The following MEGF11 variants were observed in gnomAD, a reference collection of about 807,000 sequenced individuals.
MEGF11 encodes multiple EGF like domains 11.
Under a neutral mutation model 146.6 loss-of-function variants are expected in MEGF11, and 126 were observed. The ratio of observed to expected loss-of-function variants is 0.86; its 90% CI spans 0.74 to 1.00. The LOEUF is 1.00. MEGF11 is among the 50% of genes least tolerant of loss of function. The pLI, the probability that MEGF11 is intolerant of heterozygous loss-of-function variation, is 0.00. For missense variants in MEGF11, 1,509 were observed against 1,521.2 expected, an observed-to-expected ratio of 0.99 and a Z score of 0.13; for synonymous variants, 532 against 583.4, an observed-to-expected ratio of 0.91 and a Z score of 1.27.
intron 5 of MEGF11, among the ~76,000 whole-genome samples, chr15:66,047,275 CA>C (rs1367748502): frequency 1.3e-5 from 2 of 152,216 alleles, no homozygotes; most frequent in African/African-American, 4.8e-5. Context: ...TGTTGTTCAA[CA>C]AACAGAAGTG....
intron 24 of MEGF11, among the ~76,000 whole-genome samples, chr15:65,902,789 A>G (rs1052997157): frequency 9.2e-5 from 14 of 152,278 alleles, no homozygotes; most frequent in Non-Finnish European, 1.8e-4. Context: ...GCCTCCCCAC[A>G]TAGTCATACA....
chr15:66,203,963 C>A (rs1031339720), intron 1 of MEGF11, among the ~76,000 whole-genome samples: 31 of 151,962 alleles, frequency 2.0e-4, no homozygotes, highest in African/African-American at 6.8e-4. Flanking sequence ...TTTCTGTGGG[C>A]CAGGTGTGGT....
intron 4 of MEGF11, among the ~76,000 whole-genome samples, chr15:66,106,353 C>T (rs191862101): frequency 7.9e-5 from 12 of 152,258 alleles, no homozygotes; most frequent in Admixed American, 3.3e-4. Flanking sequence ...GCAGAACATA[C>T]GGGTGCACAC....
intron 1 of MEGF11, among the ~76,000 whole-genome samples, chr15:66,204,528 C>T (rs992172503): frequency 6.6e-5 from 10 of 152,318 alleles, no homozygotes; most frequent in African/African-American, 2.4e-4. Flanking sequence ...GTAGAAAAGG[C>T]ATGTGCACTG....
rs897209706 is a variant in MEGF11, at chr15:65,917,954, G to A, written c.2086+12C>T. 56 of 1,613,778 alleles carry A rather than the reference G, an allele frequency of 3.5e-5. No individual in the cohort carries two copies. Among genetic ancestry groups the A allele is most frequent in the Admixed American group, 6.7e-5 (4 of 60,000 alleles). ...CCCCAGGTAGGGGCATTCCCAGGTG[G>A]CAGCAGCTTACCCTGTGAGCAGTCC... On this transcript the variant is annotated intron_variant, in intron 16 of 25. Transcript: ENST00000395614.
Position 65,929,867 on chromosome 15 carries a change from G to A in MEGF11, c.1425C>T (p.Asp475=). ...TCCCACTGGGACATGGCAGGGTGCA[G>A]TCCAGGCCCTGCCACCCTGAGGGGA... The part of the protein sequence containing the change: ...CTCKEGWQGL[D]CTLPCPSGTW... The change falls in exon 12 of 26, where the codon GAC becomes GAT. Residue 475 remains aspartate, a synonymous_variant. Transcript: ENST00000395614. 6.3e-7 allele frequency: 1 copy of A among 1,598,586 alleles called. No individual in the cohort carries two copies. The highest frequency in any genetic ancestry group is 8.5e-7 in the Non-Finnish European group (1 of 1,172,920).
chr15:66,023,011 G>A (rs890432996), intron 5 of MEGF11, among the ~76,000 whole-genome samples: 1 of 151,746 alleles, frequency 6.6e-6, no homozygotes, highest in Non-Finnish European at 1.5e-5. Context: ...AAATTAGCCG[G>A]GTATGGTGGT....
chr15:66,057,790 C>G (rs145377181), intron 5 of MEGF11, among the ~76,000 whole-genome samples: 111 of 152,260 alleles, frequency 7.3e-4, no homozygotes, highest in African/African-American at 2.6e-3. Context: ...AGGAAACAAA[C>G]TAGGATTCAA....
At chr15:66,099,337 C>G (rs370979665) in intron 4 of MEGF11, among the ~76,000 whole-genome samples, 2 of 152,034 alleles carry the variant, frequency 1.3e-5, no homozygotes, top group Non-Finnish European at 2.9e-5. Flanking sequence ...CACGCGCCAC[C>G]AAGCCCGGCT....
intron 13 of MEGF11, among the ~76,000 whole-genome samples, chr15:65,923,273 A>G (rs1021095189): frequency 4.6e-5 from 7 of 152,236 alleles, no homozygotes; most frequent in African/African-American, 1.7e-4. Flanking sequence ...TGGCTGAACC[A>G]CAAAGTGCAA....
At chr15:65,919,637 T>G (rs2079112302) in intron 15 of MEGF11, among the ~76,000 whole-genome samples, 2 of 152,178 alleles carry the variant, frequency 1.3e-5, no homozygotes, top group Non-Finnish European at 2.9e-5. Context: ...AAACCTTTGG[T>G]TTTTTTGTTT....
At position 65,915,655 on chromosome 15, in the gene MEGF11, C is replaced by T. The variant is rs2078972011; in HGVS notation, c.2345-57G>A. The T allele has an allele frequency of 1.9e-6, 3 of 1,590,334 alleles. No individual in the cohort carries two copies. In the Admixed American group the frequency reaches 5.1e-5, roughly 27 times the overall value. On this transcript the variant is annotated intron_variant, in intron 18 of 25. Transcript: ENST00000395614. ...CCACTCACTCTCCACCCCTCCCCTT[C>T]CATGTTTAGACAGCTATGGCAATAA... is the stretch of plus-strand genomic sequence containing the variant.
chr15:66,040,721 C>T (rs1269272566), intron 5 of MEGF11, among the ~76,000 whole-genome samples: 1 of 152,166 alleles, frequency 6.6e-6, no homozygotes, highest in Non-Finnish European at 1.5e-5. Context: ...TGTCGGAGCA[C>T]TCACATCACG....
chr15:66,107,586 C>G (rs1459998603), intron 4 of MEGF11, among the ~76,000 whole-genome samples: 3 of 152,216 alleles, frequency 2.0e-5, no homozygotes, highest in Non-Finnish European at 2.9e-5. Flanking sequence ...TTCCCAGACT[C>G]TTCACACACA....
At chr15:65,926,751 G>C (rs2079385981) in intron 13 of MEGF11, among the ~76,000 whole-genome samples, 1 of 152,186 alleles carries the variant, frequency 6.6e-6, no homozygotes, top group South Asian at 2.1e-4. Flanking sequence ...GCTGAAAGGT[G>C]GTTCACCAAA....
intron 1 of MEGF11, among the ~76,000 whole-genome samples, chr15:66,165,548 C>T (rs2090074813): frequency 6.6e-6 from 1 of 152,180 alleles, no homozygotes; most frequent in South Asian, 2.1e-4. Flanking sequence ...TTACCTCTGC[C>T]CTGCCCCAGC....
intron 1 of MEGF11, among the ~76,000 whole-genome samples, chr15:66,188,817 A>T (rs1567277293): frequency 6.6e-6 from 1 of 152,248 alleles, no homozygotes; most frequent in Non-Finnish European, 1.5e-5. Flanking sequence ...ACACCCTTGC[A>T]GAAAGAAAAT....
chr15:66,190,478 C>T (rs1008202325), intron 1 of MEGF11, among the ~76,000 whole-genome samples: 11 of 152,136 alleles, frequency 7.2e-5, no homozygotes, highest in African/African-American at 2.7e-4. Flanking sequence ...AGGAAGGAAA[C>T]AGGAGGAGGG....
intron 5 of MEGF11, among the ~76,000 whole-genome samples, chr15:66,048,867 C>G (rs1158374466): frequency 6.6e-6 from 1 of 152,232 alleles, no homozygotes; most frequent in African/African-American, 2.4e-5. Flanking sequence ...ACTCCACAGG[C>G]ATTACCCCCT....
Sources: allele counts gnomAD v4.1 joint callset (sites outside exome capture counted in the v4.1 genomes callset), GRCh38; gene constraint gnomAD v4.1.1; transcripts MANE v1.5; gene names NCBI Gene and HGNC (gene_info 2026-07-23, HGNC 2026-07-21).